COLEC12: variants seen among roughly 807,000 people sequenced by gnomAD.
COLEC12 encodes the protein collectin-12.
A neutral mutation model predicts 71.1 loss-of-function variants in COLEC12; 33 were observed. That is an observed-to-expected ratio of 0.46 (90% CI 0.35 to 0.62). The LOEUF (loss-of-function observed/expected upper bound fraction) is 0.62, where lower values mean the gene tolerates loss of function less well. COLEC12 is among the 20% of genes least tolerant of loss of function. The pLI, the probability that COLEC12 is intolerant of heterozygous loss-of-function variation, is 0.00. For synonymous variants in COLEC12, 350 were observed against 353.0 expected (o/e 0.99, Z 0.10); for missense variants, 765 against 916.1 (o/e 0.84, Z 2.13).
Position 439,498 on chromosome 18 carries a change from C to CTTT in COLEC12, c.58+41206_58+41208dup, listed in dbSNP as rs58885696. Among the ~76,000 whole-genome samples, 1,029 of 146,114 alleles carry CTTT rather than the reference C, an allele frequency of 7.0e-3. 10 individuals are homozygous for CTTT. The highest frequency in any genetic ancestry group is 0.024 in the African/African-American group (961 of 40,104). On this transcript the variant is annotated intron_variant, in intron 2 of 9. Coordinates refer to ENST00000400256, the MANE Select transcript of COLEC12 (RefSeq NM_130386.3). Reference sequence around the variant, plus strand: ...CTTATGGTCTCCAGAAGCAGAGATTCTTTTTTTTTTTTGCACTTTTCCAAT... The same window carrying CTTT: ...CTTATGGTCTCCAGAAGCAGAGATTCTTTTTTTTTTTTTTTGCACTTTTCCAAT...
At chr18:431,745 A>G (rs1045359353) in intron 2 of COLEC12, among the ~76,000 whole-genome samples, 2 of 152,136 alleles carry the variant, frequency 1.3e-5, no homozygotes, top group African/African-American at 4.8e-5. Flanking sequence ...CCCCACATTT[A>G]CTGGTCCTCG....
At chr18:492,656 T>G (rs1432373163) in intron 1 of COLEC12, among the ~76,000 whole-genome samples, 1 of 152,104 alleles carries the variant, frequency 6.6e-6, no homozygotes, top group African/African-American at 2.4e-5. Context: ...CATGGGTGAT[T>G]TGGCAAGAAA....
At chr18:436,716 G>A (rs1214477254) in intron 2 of COLEC12, among the ~76,000 whole-genome samples, 1 of 151,762 alleles carries the variant, frequency 6.6e-6, no homozygotes, top group African/African-American at 2.4e-5. Flanking sequence ...TCACAAGGGG[G>A]TGCATGGCTT....
intron 1 of COLEC12, among the ~76,000 whole-genome samples, chr18:491,051 G>C (rs1917611255): frequency 6.6e-6 from 1 of 152,202 alleles, no homozygotes; most frequent in East Asian, 1.9e-4. Flanking sequence ...TTCCAAACCA[G>C]CTGGTTGAAG....
intron 2 of COLEC12, among the ~76,000 whole-genome samples, chr18:368,691 C>T (rs575802923): frequency 1.9e-3 from 284 of 150,474 alleles, no homozygotes; most frequent in Middle Eastern, 3.4e-3. Flanking sequence ...GGTGAAACCC[C>T]GTCTCCACTA....
rs762168084 is a variant in COLEC12 at position 334,751 on chromosome 18, C to G, written c.1807G>C (p.Glu603Gln). Residue 603 changes from glutamate (E) to glutamine (Q), a missense_variant, in exon 6 of 10, where the codon GAG (glutamate) becomes CAG (glutamine). Transcript: ENST00000400256. ...GAGGGCTTGGACTTACCATTGTCCT[C>G]CGGTGCTGGGGTTGGCTCATTCTGC... ...ALQNEPTPAP[E>Q]DNGCPPHWKN... 2 of 1,469,614 alleles carry G rather than the reference C, an allele frequency of 1.4e-6. No individual in the cohort carries two copies. Among genetic ancestry groups the G allele is most frequent in the Admixed American group, 5.4e-5 (2 of 37,274 alleles). The allele number at this position is 1,469,614 out of a possible 1,614,324, so 91.0% of individuals were successfully genotyped here. A position where few individuals can be genotyped will look rare whatever the true frequency, so the allele number is the denominator to read the frequency against.
At chr18:442,062 T>C (rs1224928445) in intron 2 of COLEC12, among the ~76,000 whole-genome samples, 1 of 146,228 alleles carries the variant, frequency 6.8e-6, no homozygotes, top group Non-Finnish European at 1.5e-5. Flanking sequence ...CAGCTTCTGA[T>C]GACTGTCAGT....
chr18:357,768 C>G (rs1338650481), intron 2 of COLEC12, among the ~76,000 whole-genome samples: 1 of 152,228 alleles, frequency 6.6e-6, no homozygotes, highest in Non-Finnish European at 1.5e-5. Flanking sequence ...TCATAGAATA[C>G]AGTCATGCAT....
chr18:332,858 G>A, intron 7 of COLEC12, 149 bp downstream of exon 7: 1 of 648,134 alleles, frequency 1.5e-6, no homozygotes, highest in Non-Finnish European at 2.6e-6. Context: ...CTAGCCACTG[G>A]ATGAAACCCA....
At chr18:427,197 T>C (rs937016718) in intron 2 of COLEC12, among the ~76,000 whole-genome samples, 6 of 152,164 alleles carry the variant, frequency 3.9e-5, no homozygotes, top group Admixed American at 2.0e-4. Flanking sequence ...ATACTGGGGC[T>C]GGCTCAGCTA....
In COLEC12 at chr18:484,455, T is replaced by C. The variant is rs1917482663; in HGVS notation, c.8-3698A>G. ...CACTAAAAGAATAAAATAGTCTCTATCTCATCCAACTCTAAAATTAGAGAG... is the reference window on the plus strand; with the variant it reads ...CACTAAAAGAATAAAATAGTCTCTACCTCATCCAACTCTAAAATTAGAGAG... On this transcript the variant is annotated intron_variant, in intron 1 of 9. Coordinates refer to ENST00000400256, the MANE Select transcript of COLEC12 (RefSeq NM_130386.3). Among the ~76,000 whole-genome samples, 3 of 152,140 alleles carry C rather than the reference T, an allele frequency of 2.0e-5. No individual in the cohort carries two copies. In the South Asian group the frequency reaches 6.2e-4, roughly 32 times the overall value.
At chr18:355,877 C>G (rs527660083) in intron 3 of COLEC12, among the ~76,000 whole-genome samples, 1 of 152,296 alleles carries the variant, frequency 6.6e-6, no homozygotes, top group South Asian at 2.1e-4. Flanking sequence ...GATTTAATAG[C>G]CTTCCTTAAT....
intron 1 of COLEC12, among the ~76,000 whole-genome samples, chr18:496,128 GC>G (rs1401224033): frequency 6.6e-6 from 1 of 152,188 alleles, no homozygotes; most frequent in East Asian, 1.9e-4. Context: ...TTATTTGGCA[GC>G]GGTTGCAAGA....
chr18:437,495 C>T (rs988001555), intron 2 of COLEC12, among the ~76,000 whole-genome samples: 2 of 151,900 alleles, frequency 1.3e-5, no homozygotes, highest in East Asian at 1.9e-4. Flanking sequence ...GCTCTAATGT[C>T]GGTGTTGGCT....
Position 321,686 on chromosome 18 carries a change from T to C in COLEC12, c.2185A>G (p.Ile729Val), listed in dbSNP as rs758280518. 3.6e-5 allele frequency: 58 copies of C among 1,614,106 alleles called. No individual in the cohort carries two copies. Among genetic ancestry groups the C allele is most frequent in the Non-Finnish European group, 4.7e-5 (56 of 1,180,042 alleles). ...CCTGTCTCCCTGTCTTTTTCGCAAA[T>C]GAAGTTATTGACGTCTTCACATTGG... ...DFQCEDVNNF[I>V]CEKDRETVLS... Residue 729 changes from isoleucine to valine, a missense_variant, in exon 9 of 10, where the codon ATT becomes GTT. Physicochemically the swap from Ile to Val is conservative, Grantham distance 29. Coordinates refer to ENST00000400256, the MANE Select transcript of COLEC12 (RefSeq NM_130386.3).
intron 2 of COLEC12, among the ~76,000 whole-genome samples, chr18:466,416 C>T (rs1184593902): frequency 1.3e-5 from 2 of 152,178 alleles, no homozygotes; most frequent in African/African-American, 2.4e-5. Context: ...TCCTTCCTTT[C>T]GCAGACTATC....
chr18:492,708 G>A (rs150318929), intron 1 of COLEC12, among the ~76,000 whole-genome samples: 1 of 151,900 alleles, frequency 6.6e-6, no homozygotes, highest in Admixed American at 6.6e-5. Flanking sequence ...AAAAAAAAGA[G>A]GTCTTTGGTT....
In COLEC12 at chr18:347,002, T is replaced by C. The variant is rs1322325568; in HGVS notation, c.620A>G (p.Asn207Ser). The change falls in exon 5 of 10, where the codon AAC becomes AGC. Residue 207 changes from asparagine to serine, a missense_variant. By Grantham distance (46) the Asn-to-Ser change is conservative. Transcript: ENST00000400256. ...YSHNVVIMNL[N>S]NLNLTQVQQR... is the part of the protein sequence containing the mutation. ...CTGCACCTGGGTCAGGTTCAGGTTG[T>C]TGAGGTTCATGATGACCACATTATG... is the stretch of plus-strand genomic sequence containing the variant. 8 of 1,614,092 alleles carry C rather than the reference T, an allele frequency of 5.0e-6. No individual in the cohort carries two copies. The highest frequency in any genetic ancestry group is 6.8e-6 in the Non-Finnish European group (8 of 1,180,036).
Position 347,178 on chromosome 18 carries a change from G to A in COLEC12, c.444C>T (p.Asp148=). The A allele has an allele frequency of 6.2e-7, 1 of 1,614,174 alleles. No homozygotes were observed. The highest frequency in any genetic ancestry group is 8.5e-7 in the Non-Finnish European group (1 of 1,180,040). ...KLQASGDALV[D]RQSQLKETLE... is the part of the protein sequence containing the mutation. ...AAGTTTCTTTCAATTGACTCTGCCT[G>A]TCCACCAGAGCATCCCCGCTCGCCT... Residue 148 remains aspartate (D), a synonymous_variant, in exon 5 of 10, where the codon GAC becomes GAT. Coordinates refer to ENST00000400256, the MANE Select transcript of COLEC12 (RefSeq NM_130386.3).
Sources: gnomAD v4.1 joint callset for allele counts (sites outside exome capture counted in the v4.1 genomes callset) on GRCh38, gnomAD v4.1.1 for gene constraint, MANE v1.5 for transcripts, NCBI Gene and HGNC (gene_info 2026-07-23, HGNC 2026-07-21) for gene names.